The following COL23A1 variants were observed in gnomAD, a reference collection of about 807,000 sequenced individuals.
COL23A1 encodes collagen alpha-1(XXIII) chain.
COL23A1 carries 97 observed loss-of-function variants against 99.3 expected under a neutral mutation model. The observed-to-expected ratio is 0.98, with a 90% CI of 0.83 to 1.16. COL23A1 has a LOEUF of 1.16. Ranked by LOEUF, COL23A1 falls within the 50% of genes most tolerant of loss-of-function variation. COL23A1 has a pLI of 0.00. For missense variants in COL23A1, 762 were observed against 757.4 expected (o/e 1.01, Z -0.07); for synonymous variants, 320 against 308.2 (o/e 1.04, Z -0.40).
intron 2 of COL23A1, among the ~76,000 whole-genome samples, chr5:178,451,348 T>C (rs1767474860): frequency 6.6e-6 from 1 of 152,106 alleles, no homozygotes; most frequent in African/African-American, 2.4e-5. Flanking sequence ...AATTTAGTAA[T>C]ATGGTCACAT....
At chr5:178,368,268 T>C (rs1195553031) in intron 2 of COL23A1, among the ~76,000 whole-genome samples, 1 of 152,094 alleles carries the variant, frequency 6.6e-6, no homozygotes, top group Non-Finnish European at 1.5e-5. Context: ...GGAGCTACCA[T>C]AGTGTTTCTA....
chr5:178,469,693 A>C (rs949300219), intron 2 of COL23A1, among the ~76,000 whole-genome samples: 13 of 152,026 alleles, frequency 8.6e-5, no homozygotes, highest in African/African-American at 3.1e-4. Context: ...TCCCCTCTTC[A>C]GAGAGCCCCC....
chr5:178,535,723 C>T (rs1271194449), intron 2 of COL23A1, among the ~76,000 whole-genome samples: 2 of 152,248 alleles, frequency 1.3e-5, no homozygotes, highest in Non-Finnish European at 2.9e-5. Flanking sequence ...TGAAGGGCGC[C>T]GTGTGCCCAG....
intron 2 of COL23A1, among the ~76,000 whole-genome samples, chr5:178,536,928 C>A (rs867270096): frequency 2.0e-5 from 3 of 152,194 alleles, no homozygotes; most frequent in Non-Finnish European, 4.4e-5. Context: ...GGTTCTACCA[C>A]GGGGCCTGCA....
rs1170119218 is a variant in COL23A1 at position 178,468,534 on chromosome 5, C to G, written c.361+92148G>C. 6.6e-6 allele frequency among the ~76,000 whole-genome samples: 1 copy of G among 152,114 alleles called. No homozygotes were observed. Among genetic ancestry groups the G allele is most frequent in the Non-Finnish European group, 1.5e-5 (1 of 68,030 alleles). ...CCTGCCTCCCTCATCTGCTCACACC[C>G]AGGCCTCACCCGGCCCCGTCCCTCT... On this transcript the variant is annotated intron_variant, in intron 2 of 28. Transcript: ENST00000390654. This position sits in a 1 kb window ranked among gnomAD's most constrained non-coding sequence, Gnocchi z 4.2.
intron 2 of COL23A1, among the ~76,000 whole-genome samples, chr5:178,311,035 G>A (rs531138875): frequency 1.2e-4 from 19 of 152,214 alleles, no homozygotes; most frequent in African/African-American, 3.4e-4. Flanking sequence ...AGGGTCTAGC[G>A]CTGAAGACCA....
rs1561835058 is a variant in COL23A1 at position 178,294,531 on chromosome 5, T to TCCCCAAATCACTACCGAGCTCCC, written c.407-4163_407-4162insGGGAGCTCGGTAGTGATTTGGGG. Among the ~76,000 whole-genome samples the TCCCCAAATCACTACCGAGCTCCC allele has an allele frequency of 5.4e-4, 29 of 54,136 alleles. 13 individuals are homozygous for TCCCCAAATCACTACCGAGCTCCC. The highest frequency in any genetic ancestry group is 1.5e-3 in the African/African-American group (22 of 14,200). 35.5% of individuals were successfully genotyped at this position (54,136 alleles called of 152,430 possible). On this transcript the variant is annotated intron_variant, in intron 3 of 28. Transcript: ENST00000390654. ...CCTCCCCAAATCACTACCGAGCTCC[T>TCCCCAAATCACTACCGAGCTCCC]TCCCCAGTGCCCCACACCTGAGCCT...
intron 2 of COL23A1, among the ~76,000 whole-genome samples, chr5:178,352,580 C>T (rs948819961): frequency 2.0e-5 from 3 of 152,234 alleles, no homozygotes; most frequent in African/African-American, 7.2e-5. Context: ...TTTCAATACA[C>T]AGCAAAGACA....
intron 2 of COL23A1, among the ~76,000 whole-genome samples, chr5:178,351,537 C>T (rs1761327938): frequency 6.6e-6 from 1 of 152,182 alleles, no homozygotes; most frequent in African/African-American, 2.4e-5. Flanking sequence ...AGTGAGGCCG[C>T]ACTCGGCCCA....
Position 178,543,424 on chromosome 5 carries a change from A to G in COL23A1, c.361+17258T>C, listed in dbSNP as rs549814510. Among the ~76,000 whole-genome samples, 502 of 152,232 alleles carry G rather than the reference A, an allele frequency of 3.3e-3. 5 individuals carry two copies. The highest frequency in any genetic ancestry group is 0.011 in the African/African-American group (466 of 41,536). ...GCCTGACCTATAGTTGGTTTTTATA[A>G]CAGTCCTTTTTTAAAAAAATAAAAG... On this transcript the variant is annotated intron_variant, in intron 2 of 28. Transcript: ENST00000390654.
At chr5:178,250,007 A>T (rs2127537038) in intron 18 of COL23A1, 54 bp downstream of exon 18, 1 of 1,591,124 alleles carries the variant, frequency 6.3e-7, no homozygotes, top group Non-Finnish European at 8.6e-7. Flanking sequence ...ACACACACAC[A>T]CAGAGCCCAA....
chr5:178,242,360 C>T lies in COL23A1; in HGVS notation c.1475G>A (p.Arg492Gln), dbSNP rs199602948. The T allele has an allele frequency of 1.5e-3, 2,462 of 1,614,052 alleles. 5 individuals are homozygous for T. Among genetic ancestry groups the T allele is most frequent in the Non-Finnish European group, 1.9e-3 (2,244 of 1,179,974 alleles). Reference protein sequence around the residue: ...FPGPRGEKGDRSERGEKGERG... With the variant: ...FPGPRGEKGDQSERGEKGERG... ...CCTCACCTTCTCTCCACGCTCGCTC[C>T]GATCACCTTTCTCTCCTCGGGGTCC... Residue 492 changes from arginine to glutamine, a missense_variant, in exon 26 of 29, where the codon CGG becomes CAG. Physicochemically the swap from Arg to Gln is conservative, Grantham distance 43 (BLOSUM62 1). Coordinates refer to ENST00000390654, the MANE Select transcript of COL23A1 (RefSeq NM_173465.4).
chr5:178,330,748 C>T (rs1438563860), intron 2 of COL23A1, among the ~76,000 whole-genome samples: 1 of 152,192 alleles, frequency 6.6e-6, no homozygotes, highest in Non-Finnish European at 1.5e-5. Flanking sequence ...CATTTCAGGT[C>T]CCTCTACCCA....
At chr5:178,469,744 A>T (rs1450304113) in intron 2 of COL23A1, among the ~76,000 whole-genome samples, 1 of 152,036 alleles carries the variant, frequency 6.6e-6, no homozygotes, top group African/African-American at 2.4e-5. Context: ...TCGCCGAGGG[A>T]AGCTGCCTGC....
chr5:178,306,297 C>T lies in COL23A1; in HGVS notation c.406+578G>A, dbSNP rs545250809. Among the ~76,000 whole-genome samples, 9 of 117,878 alleles carry T rather than the reference C, an allele frequency of 7.6e-5. No homozygotes were observed. The highest frequency in any genetic ancestry group is 3.0e-4 in the African/African-American group (9 of 30,166). 77.3% of individuals were successfully genotyped at this position (117,878 alleles called of 152,430 possible). A position where few individuals can be genotyped will look rare whatever the true frequency, so the allele number is the denominator to read the frequency against. On this transcript the variant is annotated intron_variant, in intron 3 of 28. Transcript: ENST00000390654. This position sits in a 1 kb window ranked among gnomAD's most constrained non-coding sequence, Gnocchi z 4.1. Reference sequence around the variant, plus strand: ...GAGGTCAGCATGACTTTAGCTAAGACGATGTCAGAGGGGCTTAGGGAAGTC... The same window carrying T: ...GAGGTCAGCATGACTTTAGCTAAGATGATGTCAGAGGGGCTTAGGGAAGTC...
At chr5:178,540,054 G>GT (rs1283214537) in intron 2 of COL23A1, among the ~76,000 whole-genome samples, 1 of 152,164 alleles carries the variant, frequency 6.6e-6, no homozygotes, top group Non-Finnish European at 1.5e-5. Flanking sequence ...TTGACAAACT[G>GT]TAACACCTAA....
chr5:178,455,599 C>T (rs1057345077), intron 2 of COL23A1, among the ~76,000 whole-genome samples: 7 of 152,346 alleles, frequency 4.6e-5, no homozygotes, highest in African/African-American at 1.4e-4. Context: ...AGTCCCCCTG[C>T]ATCAGCCTCC....
chr5:178,482,068 T>C (rs1053579651), intron 2 of COL23A1, among the ~76,000 whole-genome samples: 1 of 151,210 alleles, frequency 6.6e-6, no homozygotes, highest in Admixed American at 6.6e-5. Context: ...ATTTGGTAGT[T>C]TCTCAAAAAG....
chr5:178,254,917 A>G, intron 16 of COL23A1, 32 bp downstream of exon 16: 1 of 1,578,804 alleles, frequency 6.3e-7, no homozygotes, highest in Non-Finnish European at 8.7e-7. Flanking sequence ...AATCGTATCT[A>G]AGGCACATCC....
Sources: allele counts gnomAD v4.1 joint callset (sites outside exome capture counted in the v4.1 genomes callset), GRCh38; gene constraint gnomAD v4.1.1; non-coding constraint Gnocchi (gnomAD v3.1); transcripts MANE v1.5; gene names NCBI Gene and HGNC (gene_info 2026-07-23, HGNC 2026-07-21).